DNMT1: variants seen among roughly 807,000 people sequenced by gnomAD.
DNMT1 encodes the protein DNA (cytosine-5)-methyltransferase 1.
In DNMT1, 24 loss-of-function variants were observed where a neutral mutation model predicts 205.3. The ratio of observed to expected loss-of-function variants is 0.12; its 90% CI spans 0.08 to 0.16. The LOEUF (loss-of-function observed/expected upper bound fraction) is 0.16, where lower values mean the gene tolerates loss of function less well. Among genes scored for constraint, DNMT1 ranks in the 10% least tolerant of loss-of-function variants. DNMT1 has a pLI of 1.00. For missense variants in DNMT1, 1,293 were observed against 2,177.7 expected (o/e 0.59, Z 8.09); for synonymous variants, 817 against 839.8 (o/e 0.97, Z 0.47).
Position 10,133,755 on chromosome 19 carries a change from C to T in DNMT1, c.4865-54G>A. The T allele has an allele frequency of 6.5e-7, 1 of 1,545,094 alleles. No individual in the cohort carries two copies. Among genetic ancestry groups the T allele is most frequent in the Non-Finnish European group, 8.8e-7 (1 of 1,137,702 alleles). ...CTGGGGAACACGCCCGGTGTCACGC[C>T]ACTTGACAGGCGAGTAACAGACATG... On this transcript the variant is annotated intron_variant, in intron 40 of 40. Coordinates refer to ENST00000359526, the MANE Select transcript of DNMT1 (RefSeq NM_001130823.3). This position sits in a 1 kb window ranked among gnomAD's most constrained non-coding sequence, Gnocchi z 4.1.
At chr19:10,148,655 T>C (rs984094237) in intron 27 of DNMT1, among the ~76,000 whole-genome samples, 2 of 152,186 alleles carry the variant, frequency 1.3e-5, no homozygotes, top group African/African-American at 4.8e-5. Flanking sequence ...ACCCTGTTCC[T>C]GGGTAGGGAA....
chr19:10,144,216 T>G, intron 28 of DNMT1: 1 of 534,320 alleles, frequency 1.9e-6, no homozygotes, highest in East Asian at 3.5e-5. Context: ...GAGACCACCC[T>G]GGCCAACACG....
At chr19:10,152,191 G>GAAAAAAAAAAAAAAAAA (rs1172451605) in intron 22 of DNMT1, among the ~76,000 whole-genome samples, 1 of 50,018 alleles carries the variant, frequency 2.0e-5, no homozygotes, top group Admixed American at 2.3e-4. Context: ...AAAAAAAAAG[G>GAAAAAAAAAAAAAAAAA]AAAAAAAAAG....
At chr19:10,174,736 C>CAACA (rs2038898916) in intron 7 of DNMT1, among the ~76,000 whole-genome samples, 2 of 149,358 alleles carry the variant, frequency 1.3e-5, no homozygotes, top group South Asian at 2.1e-4. Context: ...ACAACAACAA[C>CAACA]AAAAAAAACA....
intron 8 of DNMT1, among the ~76,000 whole-genome samples, 191 bp downstream of exon 8, chr19:10,173,680 C>G (rs1020490878): frequency 6.6e-6 from 1 of 151,834 alleles, no homozygotes; most frequent in Non-Finnish European, 1.5e-5. Context: ...TTAGTAGAGA[C>G]GGGGTTTCGC....
intron 9 of DNMT1, among the ~76,000 whole-genome samples, chr19:10,170,452 A>C (rs942564869): frequency 2.0e-5 from 3 of 152,146 alleles, no homozygotes; most frequent in Non-Finnish European, 4.4e-5. Context: ...CAGCCTAGCC[A>C]ACATGGTGAA....
chr19:10,153,270 C>T (rs1223907753), intron 22 of DNMT1, among the ~76,000 whole-genome samples: 2 of 152,088 alleles, frequency 1.3e-5, no homozygotes, highest in African/African-American at 4.8e-5. Context: ...TAACAAAATA[C>T]TACAGAATAT....
In DNMT1 at chr19:10,160,102, T is replaced by C. The variant is rs1273138516; in HGVS notation, c.1044-39A>G. ...AAAAATCACAAGATCGTTTGTTTAA[T>C]TGTTTCAGAAAATATCAAAATCGCC... is the stretch of plus-strand genomic sequence containing the variant. On this transcript the variant is annotated intron_variant, in intron 14 of 40. Coordinates refer to ENST00000359526, the MANE Select transcript of DNMT1 (RefSeq NM_001130823.3). 3.1e-6 allele frequency: 5 copies of C among 1,610,510 alleles called. No individual in the cohort carries two copies. The South Asian group carries it at 4.4e-5, about 14-fold the overall frequency.
chr19:10,141,178 T>G lies in DNMT1; in HGVS notation c.3321A>C (p.Ala1107=). 1 of 1,614,032 alleles carries G rather than the reference T, an allele frequency of 6.2e-7. No individual in the cohort carries two copies. Residue 1107 remains alanine (A), a synonymous_variant, in exon 31 of 41, where the codon GCA becomes GCC. Transcript: ENST00000359526. ...NRFYFLEAYN[A]KSKSFEDPPN... ...GAGGATCTTCAAAGCTTTTGCTCTTTGCATTATAGGCCTGAAAAGGAGAGA... is the reference window on the plus strand; with the variant it reads ...GAGGATCTTCAAAGCTTTTGCTCTTGGCATTATAGGCCTGAAAAGGAGAGA...
In DNMT1 at chr19:10,135,722, G is replaced by A. The variant is rs371679894; in HGVS notation, c.4773+14C>T. The A allele has an allele frequency of 1.9e-5, 30 of 1,604,332 alleles. No homozygotes were observed. In the South Asian group the frequency reaches 2.1e-4, roughly 11 times the overall value. On this transcript the variant is annotated intron_variant, in intron 39 of 40. Transcript: ENST00000359526. The stretch of plus-strand genomic sequence containing the variant: ...TCCTTCCTGTCCAGACCCAGCGGGC[G>A]CCGCCCCACTGACCTGCCGGTGCTT...
intron 1 of DNMT1, among the ~76,000 whole-genome samples, chr19:10,191,706 G>T (rs2039308190): frequency 6.6e-6 from 1 of 152,144 alleles, no homozygotes; most frequent in African/African-American, 2.4e-5. Flanking sequence ...GAACTCTTGA[G>T]GAATAATGGC....
chr19:10,187,297 G>C (rs2039206215), intron 1 of DNMT1, among the ~76,000 whole-genome samples: 1 of 152,004 alleles, frequency 6.6e-6, no homozygotes, highest in South Asian at 2.1e-4. Flanking sequence ...CGCCAGAAAT[G>C]CTCGTCTGAA....
chr19:10,189,587 A>T (rs1299726365), intron 1 of DNMT1, among the ~76,000 whole-genome samples: 11 of 139,454 alleles, frequency 7.9e-5, no homozygotes, highest in Admixed American at 5.1e-4. Flanking sequence ...TTTTGGCTTT[A>T]TTTTTTTTTT....
intron 37 of DNMT1, among the ~76,000 whole-genome samples, chr19:10,136,873 C>G (rs953812208): frequency 6.6e-6 from 1 of 151,962 alleles, no homozygotes; most frequent in African/African-American, 2.4e-5. Context: ...GTGATCCTCC[C>G]GCCTTGGTTT....
At chr19:10,182,991 A>G (rs1479325915) in intron 1 of DNMT1, among the ~76,000 whole-genome samples, 2 of 151,100 alleles carry the variant, frequency 1.3e-5, no homozygotes, top group East Asian at 2.0e-4. Flanking sequence ...ACGTATATAT[A>G]TACACGTATA....
chr19:10,138,385 T>G lies in DNMT1; in HGVS notation c.4115+54A>C. 1.0e-4 allele frequency: 168 copies of G among 1,609,164 alleles called. No individual in the cohort carries two copies. The highest frequency in any genetic ancestry group is 1.3e-4 in the Non-Finnish European group (150 of 1,176,798). ...CACCAGGGAGTACTCACGGGCCCCA[T>G]GAGCTACTGAGGCCTGCTCGGCAGT... On this transcript the variant is annotated intron_variant, in intron 35 of 40. Transcript: ENST00000359526. This position sits in a 1 kb window ranked among gnomAD's most constrained non-coding sequence, Gnocchi z 4.1.
At chr19:10,173,803 GAA>G (rs902320554) in intron 8 of DNMT1, 66 bp downstream of exon 8, 13 of 1,581,754 alleles carry the variant, frequency 8.2e-6, no homozygotes, top group Non-Finnish European at 1.1e-5. Context: ...TAAACTTTCT[GAA>G]AAAGTTTTGT....
Position 10,160,010 on chromosome 19 carries a change from AT to A in DNMT1, c.1089+7del. The A allele has an allele frequency of 3.7e-6, 6 of 1,614,052 alleles. No individual in the cohort carries two copies. Among genetic ancestry groups the A allele is most frequent in the Non-Finnish European group, 5.1e-6 (6 of 1,180,024 alleles). ...CCGCCACCGGCTTTATTCCCGGCAG[AT>A]GTTTACCTTGGAGTTCATGACTGTT... is the stretch of plus-strand genomic sequence containing the variant. On this transcript the variant is annotated splice_region_variant and intron_variant, in intron 15 of 40. Coordinates refer to ENST00000359526, the MANE Select transcript of DNMT1 (RefSeq NM_001130823.3).
intron 19 of DNMT1, 128 bp downstream of exon 19, chr19:10,155,725 G>A (rs1161656866): frequency 8.3e-6 from 8 of 964,610 alleles, no homozygotes; most frequent in Non-Finnish European, 1.3e-5. Context: ...AACCTGCTAA[G>A]GTTCCCAGTC....
Sources: allele counts gnomAD v4.1 joint callset (sites outside exome capture counted in the v4.1 genomes callset), GRCh38; gene constraint gnomAD v4.1.1; non-coding constraint Gnocchi (gnomAD v3.1); transcripts MANE v1.5; gene names NCBI Gene and HGNC (gene_info 2026-07-23, HGNC 2026-07-21).